Variants in ARID4A observed in about 807,000 individuals in gnomAD.
The protein encoded by ARID4A is AT-rich interactive domain-containing protein 4A.
A neutral mutation model predicts 148.6 loss-of-function variants in ARID4A; 39 were observed. The observed-to-expected ratio is 0.26, with a 90% CI of 0.20 to 0.34. The LOEUF (loss-of-function observed/expected upper bound fraction) is 0.34, where lower values mean the gene tolerates loss of function less well. ARID4A is among the 10% of genes least tolerant of loss of function. The pLI is 1.00. For synonymous variants in ARID4A, 475 were observed against 481.2 expected, an observed-to-expected ratio of 0.99 and a Z score of 0.17; for missense variants, 1,265 against 1,449.1, an observed-to-expected ratio of 0.87 and a Z score of 2.06.
At chr14:58,320,034 G>GCCTC (rs1290731630) in intron 7 of ARID4A, among the ~76,000 whole-genome samples, 1 of 141,892 alleles carries the variant, frequency 7.0e-6, no homozygotes, top group Non-Finnish European at 1.5e-5. Context: ...TGCAGCCTCT[G>GCCTC]CCTCCCAGGT....
At chr14:58,366,321 G>T in intron 22 of ARID4A, 91 bp downstream of exon 22, 1 of 1,016,516 alleles carries the variant, frequency 9.8e-7, no homozygotes, top group South Asian at 1.5e-5. Context: ...ATAAAATAAG[G>T]AATAATGATT....
intron 5 of ARID4A, among the ~76,000 whole-genome samples, chr14:58,307,391 T>C (rs544000662): frequency 2.0e-5 from 3 of 152,390 alleles, no homozygotes; most frequent in African/African-American, 7.2e-5. Flanking sequence ...ATTTGCTGTG[T>C]GTAAGTACTT....
chr14:58,339,682 C>A lies in ARID4A; in HGVS notation c.907-5013C>A, dbSNP rs550301215. ...TTGTCTCTGTATTACTCTGTTCTCACGTTGTCATAAAGAACTTTGTTAGAT... is the reference window on the plus strand; with the variant it reads ...TTGTCTCTGTATTACTCTGTTCTCAAGTTGTCATAAAGAACTTTGTTAGAT... On this transcript the variant is annotated intron_variant, in intron 11 of 23. Coordinates refer to ENST00000355431, the MANE Select transcript of ARID4A (RefSeq NM_002892.4). Among the ~76,000 whole-genome samples the A allele has an allele frequency of 2.0e-5, 3 of 152,188 alleles. No homozygotes were observed. The East Asian group carries it at 5.8e-4, about 29-fold the overall frequency.
At chr14:58,321,561 C>G (rs2032891456) in intron 7 of ARID4A, among the ~76,000 whole-genome samples, 1 of 152,050 alleles carries the variant, frequency 6.6e-6, no homozygotes, top group Non-Finnish European at 1.5e-5. Context: ...CTGGAATTGG[C>G]CATTTCTACA....
At chr14:58,302,980 A>T (rs752518628) in intron 3 of ARID4A, among the ~76,000 whole-genome samples, 3 of 152,162 alleles carry the variant, frequency 2.0e-5, no homozygotes, top group Non-Finnish European at 2.9e-5. Flanking sequence ...TTTTTTTTTA[A>T]GATGCTTTTA....
At chr14:58,328,411 A>G in intron 9 of ARID4A, 95 bp downstream of exon 9, 1 of 819,830 alleles carries the variant, frequency 1.2e-6, no homozygotes, top group Non-Finnish European at 1.9e-6. Context: ...TTATTTTTAA[A>G]AGTCTAATCA....
At position 58,302,823 on chromosome 14, in the gene ARID4A, G is replaced by A. The variant is rs190742269; in HGVS notation, c.117+1133G>A. Among the ~76,000 whole-genome samples the A allele has an allele frequency of 3.1e-3, 475 of 152,182 alleles. 1 individual carries two copies. The highest frequency in any genetic ancestry group is 0.011 in the African/African-American group (452 of 41,522). On this transcript the variant is annotated intron_variant, in intron 3 of 23. Transcript: ENST00000355431. ...AAGATAAAAAGTATTAGCCAGGTGTGGTGGCAGGCACCTGTGGTCCCAGCT... is the reference window on the plus strand; with the variant it reads ...AAGATAAAAAGTATTAGCCAGGTGTAGTGGCAGGCACCTGTGGTCCCAGCT...
chr14:58,346,633 A>C, intron 13 of ARID4A, 128 bp downstream of exon 13: 1 of 655,432 alleles, frequency 1.5e-6, no homozygotes, highest in Non-Finnish European at 2.4e-6. Flanking sequence ...TATTAGGATA[A>C]AGATCTTTTC....
intron 19 of ARID4A, among the ~76,000 whole-genome samples, chr14:58,361,294 A>C (rs1223835164): frequency 6.6e-6 from 1 of 151,968 alleles, no homozygotes; most frequent in Non-Finnish European, 1.5e-5. Context: ...TAGGGATAGG[A>C]CCCAAGTCTA....
At chr14:58,331,995 A>ACCCC (rs58313316) in intron 11 of ARID4A, among the ~76,000 whole-genome samples, 3 of 85,196 alleles carry the variant, frequency 3.5e-5, no homozygotes, top group Admixed American at 1.5e-4. Context: ...CATTTTCCCT[A>ACCCC]CCCCCCCCCC....
chr14:58,352,812 T>C (rs1415362330), intron 16 of ARID4A, among the ~76,000 whole-genome samples: 1 of 152,136 alleles, frequency 6.6e-6, no homozygotes, highest in Non-Finnish European at 1.5e-5. Context: ...TATAAGTCTT[T>C]ACAGGATTGA....
chr14:58,336,725 C>G (rs1360226995), intron 11 of ARID4A, among the ~76,000 whole-genome samples: 1 of 152,010 alleles, frequency 6.6e-6, no homozygotes, highest in Non-Finnish European at 1.5e-5. Flanking sequence ...TAAAGTAAGA[C>G]TGTTTGTTTA....
intron 11 of ARID4A, among the ~76,000 whole-genome samples, chr14:58,334,730 A>G (rs1017475307): frequency 1.3e-5 from 2 of 152,110 alleles, no homozygotes; most frequent in Non-Finnish European, 2.9e-5. Context: ...CTCTCAGGTT[A>G]TGCTGTGGAT....
chr14:58,312,918 GTTA>G (rs1805147955), intron 5 of ARID4A, among the ~76,000 whole-genome samples: 1 of 152,190 alleles, frequency 6.6e-6, no homozygotes, highest in Non-Finnish European at 1.5e-5. Context: ...TTAATTTACT[GTTA>G]TTATTTTACT....
intron 5 of ARID4A, among the ~76,000 whole-genome samples, chr14:58,310,334 G>C (rs778098271): frequency 1.2e-4 from 18 of 151,892 alleles, no homozygotes; most frequent in Non-Finnish European, 2.4e-4. Flanking sequence ...TGATCAAGAA[G>C]AACAAAACTG....
intron 11 of ARID4A, among the ~76,000 whole-genome samples, chr14:58,338,964 CT>C (rs35408179): frequency 0.024 from 2,011 of 83,858 alleles, 16 homozygotes; most frequent in Middle Eastern, 0.12. Context: ...ATTATTAAAA[CT>C]TTTTTTTTTT....
chr14:58,357,614 G>GTTT (rs11424644), intron 17 of ARID4A, among the ~76,000 whole-genome samples: 8 of 134,162 alleles, frequency 6.0e-5, no homozygotes, highest in South Asian at 4.7e-4. Flanking sequence ...TTTTTGCATG[G>GTTT]TTTTTTTTTT....
rs761520643 is a variant in ARID4A at position 58,364,956 on chromosome 14, C to A, written c.2867C>A (p.Thr956Asn). Reference protein sequence around the residue: ...EDAMPLIGPETLVCHEVDLDD... With the variant: ...EDAMPLIGPENLVCHEVDLDD... ...GCAATGCCTCTGATCGGGCCTGAAACCTTGGTTTGCCATGAAGTAGATTTG... is the reference window on the plus strand; with the variant it reads ...GCAATGCCTCTGATCGGGCCTGAAAACTTGGTTTGCCATGAAGTAGATTTG... Residue 956 changes from threonine (T) to asparagine (N), a missense_variant, in exon 20 of 24, where the codon ACC becomes AAC. This residue lies in a region of ARID4A where 666 missense variants were observed against 730.9 expected (regional missense o/e 0.91). Coordinates refer to ENST00000355431, the MANE Select transcript of ARID4A (RefSeq NM_002892.4). 3.7e-6 allele frequency: 6 copies of A among 1,614,052 alleles called. No homozygotes were observed. The South Asian group carries it at 6.6e-5, about 18-fold the overall frequency.
At chr14:58,339,845 A>AGAGAAGCATATCTTCACGTGGCAACAG (rs2034019864) in intron 11 of ARID4A, among the ~76,000 whole-genome samples, 1 of 1,204 alleles carries the variant, frequency 8.3e-4, no homozygotes, top group Non-Finnish European at 2.0e-3. Context: ...TGGCAACAGG[A>AGAGAAGCATATCTTCACGTGGCAACAG]GAGAGAGAGA....
Sources: allele counts gnomAD v4.1 joint callset (sites outside exome capture counted in the v4.1 genomes callset), GRCh38; gene constraint gnomAD v4.1.1; regional missense constraint gnomAD v4.1.1; transcripts MANE v1.5; gene names NCBI Gene and HGNC (gene_info 2026-07-23, HGNC 2026-07-21).